Variants in ELP3 observed in about 807,000 individuals in gnomAD.
The protein encoded by ELP3 is elongator complex protein 3.
In ELP3, 56 loss-of-function variants were observed where a neutral mutation model predicts 74.9. That is an observed-to-expected ratio of 0.75 (90% confidence interval 0.60 to 0.93). The LOEUF is 0.93. Among genes scored for constraint, ELP3 ranks in the 40% least tolerant of loss-of-function variants. The probability of loss-of-function intolerance (pLI) is 0.00; values close to 1 mark genes in which losing one functional copy is unlikely to be tolerated. For synonymous variants in ELP3, 222 were observed against 239.8 expected, an observed-to-expected ratio of 0.93 and a Z score of 0.68; for missense variants, 573 against 686.5, an observed-to-expected ratio of 0.83 and a Z score of 1.85.
intron 3 of ELP3, among the ~76,000 whole-genome samples, chr8:28,102,331 G>A (rs749433001): frequency 3.9e-5 from 6 of 152,158 alleles, no homozygotes; most frequent in Non-Finnish European, 7.4e-5. Flanking sequence ...GTACCACCGT[G>A]CACTCAGTTT....
chr8:28,141,916 C>T (rs1347944199), intron 10 of ELP3, among the ~76,000 whole-genome samples: 6 of 152,090 alleles, frequency 3.9e-5, no homozygotes, highest in South Asian at 2.1e-4. Flanking sequence ...CCAGAAATAC[C>T]GAAAGTAACA....
At chr8:28,100,427 G>C (rs1811430233) in intron 3 of ELP3, among the ~76,000 whole-genome samples, 1 of 152,250 alleles carries the variant, frequency 6.6e-6, no homozygotes, top group African/African-American at 2.4e-5. Context: ...CAGCTTGCTT[G>C]ACCCATAAGC....
At chr8:28,171,279 CTG>C (rs1814514176) in intron 14 of ELP3, among the ~76,000 whole-genome samples, 1 of 152,130 alleles carries the variant, frequency 6.6e-6, no homozygotes, top group African/African-American at 2.4e-5. Context: ...AGTAACTGCA[CTG>C]TTTTTCATTC....
Position 28,132,297 on chromosome 8 carries a change from G to T in ELP3, c.799G>T (p.Val267Leu), listed in dbSNP as rs1812812271. The stretch of plus-strand genomic sequence containing the variant: ...CCTTAGGGGCCACACTGTGAAGGCA[G>T]TGTGTGAGTCATTTCACCTGGCCAA... ...DTNRGHTVKA[V>L]CESFHLAKDS... The change falls in exon 9 of 15, where the codon GTG (valine) becomes TTG (leucine). Residue 267 changes from valine (V) to leucine (L), a missense_variant. Physicochemically the swap from Val to Leu is conservative, Grantham distance 32. Coordinates refer to ENST00000256398, the MANE Select transcript of ELP3 (RefSeq NM_018091.6). 9 of 1,614,126 alleles carry T rather than the reference G, an allele frequency of 5.6e-6. No individual in the cohort carries two copies. The African/African-American group carries it at 9.3e-5, about 17-fold the overall frequency.
rs1814018015 is a variant in ELP3 at position 28,160,295 on chromosome 8, C to T, written c.1324C>T (p.Pro442Ser). Residue 442 changes from proline (P) to serine (S), a missense_variant, in exon 13 of 15, where the codon CCA (proline) becomes TCA (serine). Pro to Ser is a moderately conservative substitution (Grantham distance 74). Coordinates refer to ENST00000256398, the MANE Select transcript of ELP3 (RefSeq NM_018091.6). ...GWETFLSYED[P>S]DQDILIGLLR... ...GGAAACATTCTTGTCATACGAAGAC[C>T]CAGATCAAGACATTTTGATTGGCCT... The T allele has an allele frequency of 1.2e-6, 2 of 1,613,910 alleles. No homozygotes were observed. Among genetic ancestry groups the T allele is most frequent in the Admixed American group, 1.7e-5 (1 of 59,992 alleles).
chr8:28,129,896 C>A lies in ELP3; in HGVS notation c.779+233C>A, dbSNP rs544029235. On this transcript the variant is annotated intron_variant, in intron 8 of 14. Coordinates refer to ENST00000256398, the MANE Select transcript of ELP3 (RefSeq NM_018091.6). ...GCAGCCTGTAAACACACTCATCTCTCTCCCTCTTCTTGTCCTAAGCAGCCT... is the reference window on the plus strand; with the variant it reads ...GCAGCCTGTAAACACACTCATCTCTATCCCTCTTCTTGTCCTAAGCAGCCT... 7.2e-4 allele frequency among the ~76,000 whole-genome samples: 110 copies of A among 152,338 alleles called. 1 individual carries two copies. Among genetic ancestry groups the A allele is most frequent in the South Asian group, 1.9e-3 (9 of 4,824 alleles).
intron 3 of ELP3, among the ~76,000 whole-genome samples, chr8:28,102,786 C>CT (rs1811542065): frequency 6.6e-6 from 1 of 152,208 alleles, no homozygotes; most frequent in African/African-American, 2.4e-5. Flanking sequence ...AGAATACACT[C>CT]TGTGTTCTAC....
At position 28,118,716 on chromosome 8, in the gene ELP3, T is replaced by C. The variant is rs55875301; in HGVS notation, c.617+5543T>C. On this transcript the variant is annotated intron_variant, in intron 7 of 14. Transcript: ENST00000256398. ...CCTTTTAAAATAGTTTTATTCCTTT[T>C]TAATCAGCTTTGCCCAGAAGCAGTT... Among the ~76,000 whole-genome samples, 952 of 152,300 alleles carry C rather than the reference T, an allele frequency of 6.3e-3. 6 individuals are homozygous for C. The highest frequency in any genetic ancestry group is 0.022 in the African/African-American group (923 of 41,560).
In ELP3 at chr8:28,137,831, A is replaced by C; in HGVS notation, c.1040A>C (p.Glu347Ala). 2 of 1,614,010 alleles carry C rather than the reference A, an allele frequency of 1.2e-6. No homozygotes were observed. Among genetic ancestry groups the C allele is most frequent in the Non-Finnish European group, 1.7e-6 (2 of 1,179,966 alleles). ...AGTTACTCTCCTAGTGACCTGGTTG[A>C]ATTGGTGGCTCGGATCCTAGCCCTC... ...YKSYSPSDLVELVARILALVP... is the reference protein window; with the variant it reads ...YKSYSPSDLVALVARILALVP... The change falls in exon 10 of 15, where the codon GAA (glutamate) becomes GCA (alanine). Residue 347 changes from glutamate (E) to alanine (A), a missense_variant. Glu to Ala is a moderately radical substitution (Grantham distance 107, BLOSUM62 -1). Coordinates refer to ENST00000256398, the MANE Select transcript of ELP3 (RefSeq NM_018091.6).
At chr8:28,153,568 A>G (rs1813717468) in intron 10 of ELP3, among the ~76,000 whole-genome samples, 1 of 152,190 alleles carries the variant, frequency 6.6e-6, no homozygotes, top group South Asian at 2.1e-4. Context: ...CAATAGGATA[A>G]GAGCAGGACA....
At position 28,155,933 on chromosome 8, in the gene ELP3, T is replaced by G. The variant is rs1426509670; in HGVS notation, c.1101-9T>G. ...TTTGCAACAGCTTATGTTTTTCTCC[T>G]GTGTACAGGGATATTCCAATGCCTT... is the stretch of plus-strand genomic sequence containing the variant. On this transcript the variant is annotated splice_polypyrimidine_tract_variant and intron_variant, in intron 10 of 14. Coordinates refer to ENST00000256398, the MANE Select transcript of ELP3 (RefSeq NM_018091.6). 1 of 1,607,984 alleles carries G rather than the reference T, an allele frequency of 6.2e-7. No individual in the cohort carries two copies. The highest frequency in any genetic ancestry group is 8.5e-7 in the Non-Finnish European group (1 of 1,174,544).
upstream of ELP3, chr8:28,090,242 G>A: frequency 3.6e-6 from 1 of 274,288 alleles, no homozygotes; most frequent in Non-Finnish European, 7.0e-6. Flanking sequence ...GAAGCTTCAG[G>A]AGACCTATCC....
chr8:28,158,531 A>G (rs1226027654), intron 11 of ELP3, 37 bp from the exon 12 acceptor site: 1 of 1,113,848 alleles, frequency 9.0e-7, no homozygotes, highest in Admixed American at 2.0e-5. Flanking sequence ...TACCCCTCCC[A>G]CCCCCCAACC....
At chr8:28,093,034 T>G, upstream of ELP3, 1 of 990,164 alleles carries the variant, frequency 1.0e-6, no homozygotes, top group Middle Eastern at 2.0e-4. Context: ...CCTGCTACCC[T>G]GTTAGTTGCA....
At chr8:28,184,050 A>C (rs1815132776) in intron 14 of ELP3, among the ~76,000 whole-genome samples, 1 of 152,204 alleles carries the variant, frequency 6.6e-6, no homozygotes, top group Non-Finnish European at 1.5e-5. Context: ...AGCCCTGCTG[A>C]GCATGGAGAG....
upstream of ELP3, chr8:28,093,043 C>G (rs933051460): frequency 3.6e-5 from 39 of 1,093,388 alleles, no homozygotes; most frequent in Admixed American, 1.8e-4. Context: ...CTGTTAGTTG[C>G]AACACGGGGC....
intron 14 of ELP3, among the ~76,000 whole-genome samples, chr8:28,170,014 A>C (rs970985207): frequency 6.6e-6 from 1 of 152,144 alleles, no homozygotes; most frequent in South Asian, 2.1e-4. Context: ...GTATTTTTAT[A>C]ACCTAATCTC....
chr8:28,171,496 C>CATA (rs901874027), intron 14 of ELP3, among the ~76,000 whole-genome samples: 2 of 151,934 alleles, frequency 1.3e-5, no homozygotes, highest in Admixed American at 6.6e-5. Context: ...GTCTGTTGCC[C>CATA]ATTTCTTAAC....
At chr8:28,112,970 T>G (rs1426529786) in intron 6 of ELP3, 49 bp from the exon 7 acceptor site, 2 of 1,543,104 alleles carry the variant, frequency 1.3e-6, no homozygotes, top group Admixed American at 3.7e-5. Context: ...CTTCTTAGAG[T>G]AGTTCCTTAT....
Sources: gnomAD v4.1 joint callset for allele counts (sites outside exome capture counted in the v4.1 genomes callset) on GRCh38, gnomAD v4.1.1 for gene constraint, MANE v1.5 for transcripts, NCBI Gene and HGNC (gene_info 2026-07-23, HGNC 2026-07-21) for gene names.